Variants in SOBP observed in about 807,000 individuals in gnomAD.
The protein encoded by SOBP is sine oculis binding protein homolog, also known as sine oculis-binding protein homolog.
SOBP carries 4 observed loss-of-function variants against 53.6 expected under a neutral mutation model. The ratio of observed to expected loss-of-function variants is 0.07; its 90% confidence interval spans 0.04 to 0.17. The LOEUF is 0.17. Among genes scored for constraint, SOBP ranks in the 10% least tolerant of loss-of-function variants. The probability of loss-of-function intolerance (pLI) is 1.00; values close to 1 mark genes in which losing one functional copy is unlikely to be tolerated. For synonymous variants in SOBP, 584 were observed against 522.6 expected, an observed-to-expected ratio of 1.12 and a Z score of -1.60; for missense variants, 1,088 against 1,204.7, an observed-to-expected ratio of 0.90 and a Z score of 1.43.
At chr6:107,577,568 C>T (rs908982563) in intron 4 of SOBP, among the ~76,000 whole-genome samples, 2 of 152,182 alleles carry the variant, frequency 1.3e-5, no homozygotes, top group African/African-American at 4.8e-5. Flanking sequence ...GACAAGATAG[C>T]ATGAATGCCC....
chr6:107,558,079 T>C (rs577162795), intron 4 of SOBP: 2 of 152,302 alleles, frequency 1.3e-5, no homozygotes, highest in African/African-American at 4.8e-5. Flanking sequence ...AAGTTAAATT[T>C]CTACAAAATT....
At chr6:107,500,688 A>G (rs2114940562) in intron 1 of SOBP, among the ~76,000 whole-genome samples, 1 of 151,282 alleles carries the variant, frequency 6.6e-6, no homozygotes, top group Admixed American at 6.6e-5. Context: ...CGCCCGGCTA[A>G]TTTTTTGTAT....
rs1280837729 is a variant in SOBP, at chr6:107,503,849, C to A, written c.235+54C>A. On this transcript the variant is annotated intron_variant, in intron 2 of 6. Transcript: ENST00000317357. ...TGCAAAGAAGGATTAACTATCTCAA[C>A]CTGCCAGAATTGAGTTGCTTTGGGA... The A allele has an allele frequency of 3.6e-5, 57 of 1,604,944 alleles. No homozygotes were observed. In the East Asian group the frequency reaches 1.2e-3, roughly 35 times the overall value.
At chr6:107,587,370 T>C (rs1285562089) in intron 5 of SOBP, among the ~76,000 whole-genome samples, 195 bp downstream of exon 5, 2 of 152,222 alleles carry the variant, frequency 1.3e-5, no homozygotes, top group Non-Finnish European at 2.9e-5. Flanking sequence ...TTATATCTGA[T>C]TATAGAGCTT....
intron 1 of SOBP, among the ~76,000 whole-genome samples, chr6:107,493,861 A>G (rs559300421): frequency 1.3e-5 from 2 of 152,358 alleles, no homozygotes; most frequent in African/African-American, 4.8e-5. Flanking sequence ...GCTGAGAGCT[A>G]ATGCTAGTTG....
chr6:107,502,353 C>T (rs904843510), intron 1 of SOBP, among the ~76,000 whole-genome samples: 1 of 152,140 alleles, frequency 6.6e-6, no homozygotes, highest in African/African-American at 2.4e-5. Context: ...TTTTCTGGCT[C>T]AGCTTAGGAA....
intron 6 of SOBP, among the ~76,000 whole-genome samples, chr6:107,650,429 G>A (rs186401542): frequency 6.7e-4 from 102 of 152,234 alleles, no homozygotes; most frequent in Non-Finnish European, 1.3e-3. Context: ...GAAGGTTTGT[G>A]GCAACCCTGT....
intron 3 of SOBP, among the ~76,000 whole-genome samples, chr6:107,533,109 T>G (rs1292872528): frequency 6.6e-6 from 1 of 150,814 alleles, no homozygotes; most frequent in Non-Finnish European, 1.5e-5. Context: ...TTTGAAGAAA[T>G]GGGTTATTTT....
At chr6:107,537,444 TA>T (rs1191947988) in intron 4 of SOBP, among the ~76,000 whole-genome samples, 1 of 152,256 alleles carries the variant, frequency 6.6e-6, no homozygotes, top group Admixed American at 6.5e-5. Context: ...TAGTGTTCTT[TA>T]TGGATTCGGA....
intron 4 of SOBP, among the ~76,000 whole-genome samples, chr6:107,560,432 G>A (rs1223488943): frequency 6.6e-6 from 1 of 152,140 alleles, no homozygotes; most frequent in African/African-American, 2.4e-5. Context: ...TCCACCCAAT[G>A]ACGGATTCCT....
intron 5 of SOBP, 46 bp from the exon 6 acceptor site, chr6:107,633,468 A>G (rs1562114228): frequency 6.2e-7 from 1 of 1,613,354 alleles, no homozygotes; most frequent in East Asian, 2.2e-5. Flanking sequence ...CTACCCAGGT[A>G]AATTGCTTGT....
chr6:107,638,204 T>C (rs1771139034), intron 6 of SOBP, among the ~76,000 whole-genome samples: 1 of 151,676 alleles, frequency 6.6e-6, no homozygotes, highest in Admixed American at 6.6e-5. Flanking sequence ...GTTTTATTTA[T>C]TTATTTAGTT....
At chr6:107,610,959 G>A (rs1331949915) in intron 5 of SOBP, among the ~76,000 whole-genome samples, 1 of 152,230 alleles carries the variant, frequency 6.6e-6, no homozygotes, top group African/African-American at 2.4e-5. Flanking sequence ...TTTAATACCT[G>A]GAAAACAAAA....
At chr6:107,592,610 A>T (rs990118052) in intron 5 of SOBP, among the ~76,000 whole-genome samples, 1 of 152,210 alleles carries the variant, frequency 6.6e-6, no homozygotes, top group African/African-American at 2.4e-5. Flanking sequence ...TAAAATCATG[A>T]TGACACACTG....
chr6:107,576,757 G>A (rs1295055312), intron 4 of SOBP, among the ~76,000 whole-genome samples: 1 of 152,162 alleles, frequency 6.6e-6, no homozygotes, highest in African/African-American at 2.4e-5. Context: ...TGGGGGATGA[G>A]GTAAACTGAG....
chr6:107,569,552 CT>C (rs1300855831), intron 4 of SOBP, among the ~76,000 whole-genome samples: 1 of 152,106 alleles, frequency 6.6e-6, no homozygotes, highest in African/African-American at 2.4e-5. Flanking sequence ...GTTACTTTGG[CT>C]TTTTTTGGCT....
At chr6:107,613,177 G>A (rs115062977) in intron 5 of SOBP, among the ~76,000 whole-genome samples, 184 of 152,284 alleles carry the variant, frequency 1.2e-3, no homozygotes, top group African/African-American at 4.2e-3. Context: ...AACTCAGAAC[G>A]CTAGGTGGAG....
chr6:107,497,316 T>C (rs926007533), intron 1 of SOBP, among the ~76,000 whole-genome samples: 1 of 152,252 alleles, frequency 6.6e-6, no homozygotes, highest in Non-Finnish European at 1.5e-5. Flanking sequence ...TCTTGGATAA[T>C]GGGTGTCAGA....
At chr6:107,637,262 T>A (rs546886919) in intron 6 of SOBP, among the ~76,000 whole-genome samples, 1 of 152,294 alleles carries the variant, frequency 6.6e-6, no homozygotes, top group East Asian at 1.9e-4. Context: ...GTGTGTCCAG[T>A]CCCTGGTCTC....
Sources: allele counts gnomAD v4.1 joint callset (sites outside exome capture counted in the v4.1 genomes callset), GRCh38; gene constraint gnomAD v4.1.1; transcripts MANE v1.5; gene names NCBI Gene and HGNC (gene_info 2026-07-23, HGNC 2026-07-21).